SFI1: variants seen among roughly 807,000 people sequenced by gnomAD.
SFI1 encodes SFI1 centrin binding protein.
SFI1 carries 195 observed loss-of-function variants against 207.5 expected under a neutral mutation model. The ratio of observed to expected loss-of-function variants is 0.94; its 90% CI spans 0.84 to 1.06. The LOEUF (loss-of-function observed/expected upper bound fraction) is 1.06. Ranked by LOEUF, SFI1 falls within the 50% of genes least tolerant of loss-of-function variation. The pLI is 0.00. For synonymous variants in SFI1, 630 were observed against 598.9 expected, an observed-to-expected ratio of 1.05 and a Z score of -0.76; for missense variants, 1,634 against 1,588.0, an observed-to-expected ratio of 1.03 and a Z score of -0.49.
chr22:31,519,825 G>A (rs868573162), intron 2 of SFI1, among the ~76,000 whole-genome samples: 3 of 152,022 alleles, frequency 2.0e-5, no homozygotes, highest in Non-Finnish European at 4.4e-5. Context: ...ACCCACCTTG[G>A]CCTCCTGTAG....
At chr22:31,588,821 A>C (rs961889813) in intron 14 of SFI1, among the ~76,000 whole-genome samples, 13 of 151,876 alleles carry the variant, frequency 8.6e-5, no homozygotes, top group Non-Finnish European at 1.8e-4. Flanking sequence ...CAAAAAAAAA[A>C]AAACAAAAAA....
intron 11 of SFI1, chr22:31,580,055 A>G: frequency 2.0e-6 from 1 of 488,916 alleles, no homozygotes; most frequent in Non-Finnish European, 3.7e-6. Context: ...AGGGTTCAGC[A>G]AATATTTATT....
chr22:31,550,650 C>G lies in SFI1; in HGVS notation c.544+302C>G, dbSNP rs1330425194. 2.0e-5 allele frequency: 6 copies of G among 294,524 alleles called. No homozygotes were observed. The South Asian group carries it at 2.3e-4, about 11-fold the overall frequency. 18.2% of individuals were successfully genotyped at this position (294,524 alleles called of 1,614,324 possible). On this transcript the variant is annotated intron_variant, in intron 6 of 32. Coordinates refer to ENST00000400288, the MANE Select transcript of SFI1 (RefSeq NM_001007467.3). ...GCTGGCTGTGACTCTCCTGTGGCAC[C>G]TGGGGCTGCCATCTATCTTGCTGCG...
chr22:31,552,111 A>G (rs117982597), intron 6 of SFI1, among the ~76,000 whole-genome samples: 2,155 of 152,246 alleles, frequency 0.014, 17 homozygotes, highest in South Asian at 0.026. Flanking sequence ...GCTCCCGCTT[A>G]TAAGTGAGAA....
chr22:31,609,850 G>T (rs1238194430), intron 22 of SFI1, among the ~76,000 whole-genome samples: 1 of 152,258 alleles, frequency 6.6e-6, no homozygotes, highest in East Asian at 1.9e-4. Flanking sequence ...TGACCGTGCA[G>T]CTTCAAGCTC....
In SFI1 at chr22:31,607,946, C is replaced by T; in HGVS notation, c.2167C>T (p.Gln723Ter). Residue 723 changes from glutamine (Q) to a stop codon, truncating the protein, a stop_gained, in exon 22 of 33, where the codon CAG becomes TAG. Transcript: ENST00000400288. LOFTEE classifies it high-confidence loss of function. ...RRTICSKVLVQWREAVSVQMY... is the reference protein window; with the variant it reads ...RRTICSKVLV Reference sequence around the variant, plus strand: ...CCTTGCCTGCCCATAGGTCCTGGTCCAGTGGCGGGAAGCTGTGTCAGTGCA... The same window carrying T: ...CCTTGCCTGCCCATAGGTCCTGGTCTAGTGGCGGGAAGCTGTGTCAGTGCA... The T allele has an allele frequency of 6.2e-7, 1 of 1,613,432 alleles. No homozygotes were observed. The highest frequency in any genetic ancestry group is 8.5e-7 in the Non-Finnish European group (1 of 1,179,522).
chr22:31,575,112 G>A (rs2063345337), intron 9 of SFI1, 119 bp from the exon 10 acceptor site: 2 of 577,702 alleles, frequency 3.5e-6, no homozygotes, highest in African/African-American at 2.1e-5. Context: ...GTGTGTGTGT[G>A]TGTGTGTGTG....
chr22:31,505,532 A>G (rs1668767179), intron 1 of SFI1, among the ~76,000 whole-genome samples: 1 of 149,168 alleles, frequency 6.7e-6, no homozygotes, highest in Non-Finnish European at 1.5e-5. Flanking sequence ...GAGACAGGAG[A>G]ATTGCTTGAG....
intron 4 of SFI1, among the ~76,000 whole-genome samples, chr22:31,539,000 C>G (rs1185951305): frequency 6.6e-6 from 1 of 152,224 alleles, no homozygotes; most frequent in Non-Finnish European, 1.5e-5. Flanking sequence ...CATCCTCCCC[C>G]TCTCAGTGAG....
At chr22:31,608,776 C>G (rs1603344008) in intron 22 of SFI1, among the ~76,000 whole-genome samples, 1 of 151,934 alleles carries the variant, frequency 6.6e-6, no homozygotes, top group Non-Finnish European at 1.5e-5. Flanking sequence ...GTAGCTGGGC[C>G]CTTAAATGTT....
intron 1 of SFI1, among the ~76,000 whole-genome samples, chr22:31,507,807 G>A (rs1392297759): frequency 6.6e-6 from 1 of 152,148 alleles, no homozygotes; most frequent in East Asian, 1.9e-4. Flanking sequence ...GGGTGTGGTG[G>A]CTCACCACTG....
chr22:31,557,869 CT>C (rs1377948791), intron 7 of SFI1, among the ~76,000 whole-genome samples: 1 of 152,166 alleles, frequency 6.6e-6, no homozygotes, highest in Non-Finnish European at 1.5e-5. Flanking sequence ...AATTAGTCCA[CT>C]TTTATAGCCA....
intron 15 of SFI1, among the ~76,000 whole-genome samples, chr22:31,594,845 ACT>A (rs1309381757): frequency 4.1e-5 from 4 of 98,262 alleles, no homozygotes; most frequent in Middle Eastern, 7.9e-3. Context: ...ACAGAGTGAG[ACT>A]CTGTCTCAAA....
At position 31,602,530 on chromosome 22, in the gene SFI1, C is replaced by T. The variant is rs1175638164; in HGVS notation, c.1627-77C>T. 1.8e-5 allele frequency: 27 copies of T among 1,519,594 alleles called. No homozygotes were observed. The Admixed American group carries it at 4.3e-4, about 24-fold the overall frequency. 94.1% of individuals were successfully genotyped at this position (1,519,594 alleles called of 1,614,324 possible). The stretch of plus-strand genomic sequence containing the variant: ...CTTTTGCCTTAGTCATTATTTGTGG[C>T]CTGTAAATTCTTTCCTGGCTTCTGT... On this transcript the variant is annotated intron_variant, in intron 16 of 32. Coordinates refer to ENST00000400288, the MANE Select transcript of SFI1 (RefSeq NM_001007467.3).
intron 2 of SFI1, among the ~76,000 whole-genome samples, chr22:31,516,473 C>G (rs1184762864): frequency 1.3e-5 from 2 of 151,268 alleles, no homozygotes; most frequent in Non-Finnish European, 3.0e-5. Flanking sequence ...AGATGGCACC[C>G]CTGCACTCCA....
chr22:31,526,587 CA>C (rs1234542734), intron 2 of SFI1, among the ~76,000 whole-genome samples: 5 of 152,246 alleles, frequency 3.3e-5, no homozygotes, highest in African/African-American at 9.6e-5. Flanking sequence ...GTTGTTGAGA[CA>C]AGAGTGTCAC....
intron 23 of SFI1, 128 bp downstream of exon 23, chr22:31,611,431 G>GTT: frequency 8.1e-7 from 1 of 1,234,630 alleles, no homozygotes; most frequent in East Asian, 2.6e-5. Flanking sequence ...GTGGTGGGTG[G>GTT]TTTGGGGTCC....
Position 31,618,299 on chromosome 22 carries a change from C to T in SFI1, c.3625-15C>T. 6.2e-7 allele frequency: 1 copy of T among 1,607,038 alleles called. No individual in the cohort carries two copies. ...GTGCTCCCTCTCAGCCCTGCCTGTC[C>T]CTCCATGGCCCCAGGTGGAAATGCA... On this transcript the variant is annotated splice_polypyrimidine_tract_variant and intron_variant, in intron 32 of 32. Transcript: ENST00000400288.
At chr22:31,561,815 A>C (rs1223164476) in intron 8 of SFI1, among the ~76,000 whole-genome samples, 1 of 152,230 alleles carries the variant, frequency 6.6e-6, no homozygotes, top group Non-Finnish European at 1.5e-5. Flanking sequence ...TCTTTTAGGC[A>C]AGCCACTAGC....
Sources: gnomAD v4.1 joint callset for allele counts (sites outside exome capture counted in the v4.1 genomes callset) on GRCh38, gnomAD v4.1.1 for gene constraint, MANE v1.5 for transcripts, NCBI Gene and HGNC (gene_info 2026-07-23, HGNC 2026-07-21) for gene names.